The following TUSC3 variants were observed in gnomAD, a reference collection of about 807,000 sequenced individuals.
TUSC3 encodes the protein tumor suppressor candidate 3, also known as dolichyl-diphosphooligosaccharide--protein glycosyltransferase subunit TUSC3.
TUSC3 carries 45 observed loss-of-function variants against 44.8 expected under a neutral mutation model. That is an observed-to-expected ratio of 1.00 (90% confidence interval 0.79 to 1.29). The LOEUF is 1.29. TUSC3 is among the 50% of genes most tolerant of loss of function. TUSC3 has a pLI of 0.00. For synonymous variants in TUSC3, 212 were observed against 152.9 expected (o/e 1.39, Z -2.85); for missense variants, 519 against 437.9 (o/e 1.19, Z -1.65).
chr8:15,629,971 C>T (rs199951030), intron 2 of TUSC3, among the ~76,000 whole-genome samples: 1 of 151,880 alleles, frequency 6.6e-6, no homozygotes, highest in Non-Finnish European at 1.5e-5. Context: ...TTAATTAAGA[C>T]TACTCTATAT....
chr8:15,731,111 A>C (rs1585277235), intron 7 of TUSC3, among the ~76,000 whole-genome samples: 1 of 152,052 alleles, frequency 6.6e-6, no homozygotes, highest in African/African-American at 2.4e-5. Context: ...TGCTCCCCTT[A>C]AATATATGGT....
At chr8:15,842,203 A>G in the TUSC3 span, among the ~76,000 whole-genome samples, 2 of 152,178 alleles carry the variant, frequency 1.3e-5, no homozygotes, top group African/African-American at 2.4e-5. Context: ...GTAAGAAGCT[A>G]CATCCTAAGA....
At chr8:15,443,257 T>C (rs1335286697) in intron 1 of TUSC3, among the ~76,000 whole-genome samples, 1 of 151,862 alleles carries the variant, frequency 6.6e-6, no homozygotes, top group African/African-American at 2.4e-5. Flanking sequence ...CACTGCAGTC[T>C]CGAGCTCCTG....
chr8:15,680,045 G>A (rs530025417), intron 6 of TUSC3, among the ~76,000 whole-genome samples: 1 of 151,866 alleles, frequency 6.6e-6, no homozygotes, highest in African/African-American at 2.4e-5. Context: ...TTTTTGCTTA[G>A]GATTACCTTG....
At chr8:15,594,536 G>T (rs947002357) in intron 1 of TUSC3, among the ~76,000 whole-genome samples, 1 of 152,174 alleles carries the variant, frequency 6.6e-6, no homozygotes, top group South Asian at 2.1e-4. Context: ...TGTGATGCAA[G>T]CAAGTATTTT....
At chr8:15,645,409 T>C (rs1806579120) in intron 2 of TUSC3, among the ~76,000 whole-genome samples, 1 of 152,108 alleles carries the variant, frequency 6.6e-6, no homozygotes. Flanking sequence ...CTTCCAGACA[T>C]ACCACCATTA....
chr8:15,694,102 G>A (rs544539428), intron 6 of TUSC3, among the ~76,000 whole-genome samples: 4 of 152,002 alleles, frequency 2.6e-5, no homozygotes, highest in Admixed American at 6.5e-5. Flanking sequence ...AGTGATCTTC[G>A]TTTTTATCCA....
At chr8:15,802,143 C>T in the TUSC3 span, among the ~76,000 whole-genome samples, 4 of 152,150 alleles carry the variant, frequency 2.6e-5, no homozygotes, top group East Asian at 3.9e-4. Flanking sequence ...GAGGGATGCC[C>T]GAGACTTTGG....
chr8:15,721,481 A>C (rs1039255388), intron 6 of TUSC3, among the ~76,000 whole-genome samples: 1 of 152,080 alleles, frequency 6.6e-6, no homozygotes, highest in Non-Finnish European at 1.5e-5. Context: ...ACACACACAG[A>C]GATTATACTT....
intron 2 of TUSC3, among the ~76,000 whole-genome samples, chr8:15,506,842 C>G (rs539091093): frequency 1.8e-4 from 28 of 152,260 alleles, no homozygotes; most frequent in African/African-American, 6.5e-4. Context: ...GGGCCCTGCC[C>G]CTTACCCGGA....
At chr8:15,434,804 C>G (rs61481472) in intron 1 of TUSC3, among the ~76,000 whole-genome samples, 12 of 151,768 alleles carry the variant, frequency 7.9e-5, no homozygotes, top group Non-Finnish European at 1.5e-4. Flanking sequence ...TTTGTGCTTG[C>G]AATAGTTTGC....
intron 2 of TUSC3, among the ~76,000 whole-genome samples, chr8:15,523,845 C>T (rs1316509158): frequency 1.3e-5 from 2 of 151,282 alleles, no homozygotes; most frequent in East Asian, 3.9e-4. Context: ...ATCATGAGGT[C>T]AAGAAATCGA....
intron 1 of TUSC3, among the ~76,000 whole-genome samples, chr8:15,469,919 C>T (rs1260770388): frequency 6.6e-6 from 1 of 152,072 alleles, no homozygotes; most frequent in Non-Finnish European, 1.5e-5. Flanking sequence ...ATGATTCCAA[C>T]TATATGACAT....
intron 1 of TUSC3, among the ~76,000 whole-genome samples, chr8:15,433,283 T>C (rs1402743620): frequency 1.3e-5 from 2 of 152,112 alleles, no homozygotes; most frequent in African/African-American, 4.8e-5. Flanking sequence ...GACTGGAACA[T>C]GGTCAGATTG....
At chr8:15,419,770 T>C (rs1430053431) in intron 1 of TUSC3, among the ~76,000 whole-genome samples, 1 of 152,168 alleles carries the variant, frequency 6.6e-6, no homozygotes, top group Admixed American at 6.5e-5. Flanking sequence ...ATTTGTAAAA[T>C]AAGGGTAGGT....
chr8:15,776,091 G>A, the TUSC3 span, among the ~76,000 whole-genome samples: 1 of 151,920 alleles, frequency 6.6e-6, no homozygotes, highest in Admixed American at 6.6e-5. Flanking sequence ...TAAAGCACTG[G>A]CATCTTATCA....
At chr8:15,602,911 C>T (rs1423274571) in intron 1 of TUSC3, among the ~76,000 whole-genome samples, 1 of 151,224 alleles carries the variant, frequency 6.6e-6, no homozygotes, top group Non-Finnish European at 1.5e-5. Context: ...AAAATAAAAA[C>T]CTAAGTATTA....
chr8:15,459,194 A>C (rs980778116), intron 1 of TUSC3, among the ~76,000 whole-genome samples: 1 of 152,184 alleles, frequency 6.6e-6, no homozygotes, highest in Admixed American at 6.6e-5. Context: ...TACTGGACTT[A>C]GCATTAAACT....
intron 2 of TUSC3, among the ~76,000 whole-genome samples, chr8:15,631,706 GTGTTT>G (rs1188419076): frequency 7.6e-6 from 1 of 131,010 alleles, no homozygotes; most frequent in Non-Finnish European, 1.7e-5. Context: ...GTGTGTGTGT[GTGTTT>G]TGTTTTGTTT....
Sources: gnomAD v4.1 joint callset for allele counts (sites outside exome capture counted in the v4.1 genomes callset) on GRCh38, gnomAD v4.1.1 for gene constraint, MANE v1.5 for transcripts, NCBI Gene and HGNC (gene_info 2026-07-23, HGNC 2026-07-21) for gene names.